The following OR2T10 variants were observed in gnomAD, a reference collection of about 807,000 sequenced individuals.
OR2T10 encodes olfactory receptor family 2 subfamily T member 10, also known as olfactory receptor 2T10.
For missense variants in OR2T10, 335 were observed against 382.5 expected (o/e 0.88, Z 1.04); for synonymous variants, 125 against 141.8 (o/e 0.88, Z 0.84).
At position 248,593,164 on chromosome 1, in the gene OR2T10, C is replaced by A. The variant is rs1454233338; in HGVS notation, c.605G>T (p.Cys202Phe). ...AGGTATCAGGAGCATGATGACACAGCACAAGTACATGAAAATCTTGTAAAG... is the reference window on the plus strand; with the variant it reads ...AGGTATCAGGAGCATGATGACACAGAACAAGTACATGAAAATCTTGTAAAG... ...TSLYKIFMYL[C>F]CVIMLLIPVT... The change falls in exon 2 of 2, where the codon TGC becomes TTC. Residue 202 changes from cysteine to phenylalanine, a missense_variant. Physicochemically the swap from Cys to Phe is radical, Grantham distance 205. Coordinates refer to ENST00000642090, the MANE Select transcript of OR2T10 (RefSeq NM_001004693.2). 1 of 1,572,272 alleles carries A rather than the reference C, an allele frequency of 6.4e-7. No homozygotes were observed. Among genetic ancestry groups the A allele is most frequent in the South Asian group, 1.1e-5 (1 of 88,850 alleles).
intron 1 of OR2T10, among the ~76,000 whole-genome samples, chr1:248,594,087 T>C (rs1660056927): frequency 7.1e-6 from 1 of 140,418 alleles, no homozygotes; most frequent in Admixed American, 6.8e-5. Context: ...ATGTTCACAT[T>C]TTGTGTGTGT....
In OR2T10 at chr1:248,592,783, G is replaced by T; in HGVS notation, c.*47C>A. On this transcript the variant is annotated 3_prime_UTR_variant, in exon 2 of 2. Transcript: ENST00000642090. ...TGTTTGGTGGAAGGACACCTAAAGT[G>T]AAGAGAGACTCTAAGAAGAGAGGAC... The T allele has an allele frequency of 8.8e-7, 1 of 1,140,866 alleles. No individual in the cohort carries two copies. Among genetic ancestry groups the T allele is most frequent in the South Asian group, 1.5e-5 (1 of 67,770 alleles). 70.7% of individuals were successfully genotyped at this position (1,140,866 alleles called of 1,614,324 possible).
At chr1:248,595,922 C>A (rs1660083184) in intron 1 of OR2T10, among the ~76,000 whole-genome samples, 1 of 143,072 alleles carries the variant, frequency 7.0e-6, no homozygotes, top group African/African-American at 2.8e-5. Context: ...ACTCAGAAAG[C>A]AGAGAATCAG....
rs1660037193 is a variant in OR2T10, at chr1:248,593,090, T to C, written c.679A>G (p.Lys227Glu). 3 of 1,572,438 alleles carry C rather than the reference T, an allele frequency of 1.9e-6. No individual in the cohort carries two copies. The highest frequency in any genetic ancestry group is 2.6e-6 in the Non-Finnish European group (3 of 1,156,510). ...SYYYIILTIH[K>E]MNSVEGRKKA... ...TTCCGACCCTCAACTGAGTTCATCT[T>C]ATGGATGGTGAGGATGATATAGTAG... Residue 227 changes from lysine (K) to glutamate (E), a missense_variant, in exon 2 of 2, where the codon AAG becomes GAG. By Grantham distance (56) the Lys-to-Glu change is moderately conservative. Coordinates refer to ENST00000642090, the MANE Select transcript of OR2T10 (RefSeq NM_001004693.2).
chr1:248,593,891 C>T, intron 1 of OR2T10, 95 bp from the exon 2 acceptor site: 1 of 586,380 alleles, frequency 1.7e-6, no homozygotes. Context: ...ATGTGAAAAT[C>T]AGAGTGTATT....
intron 1 of OR2T10, among the ~76,000 whole-genome samples, chr1:248,597,142 G>A (rs1364252564): frequency 7.0e-6 from 1 of 143,044 alleles, no homozygotes; most frequent in Non-Finnish European, 1.5e-5. Context: ...CTTCTTTTCC[G>A]AGGTACGTTG....
chr1:248,592,846 T>C lies in OR2T10; in HGVS notation c.923A>G (p.Gln308Arg). Residue 308 changes from glutamine to arginine, a missense_variant, in exon 2 of 2, where the codon CAG becomes CGG. Gln to Arg is a conservative substitution (Grantham distance 43, BLOSUM62 1). Transcript: ENST00000642090. ...TRALKKMLSV[Q>R]KPPY ...TTTCACACTTTAATATGGAGGTTTC[T>C]GCACGCTCAGCATTTTTTTCAAAGC... The C allele has an allele frequency of 6.5e-7, 1 of 1,542,418 alleles. No individual in the cohort carries two copies. Among genetic ancestry groups the C allele is most frequent in the Non-Finnish European group, 8.8e-7 (1 of 1,135,380 alleles).
intron 1 of OR2T10, among the ~76,000 whole-genome samples, chr1:248,594,138 C>T (rs926462974): frequency 7.0e-6 from 1 of 142,892 alleles, no homozygotes; most frequent in Non-Finnish European, 1.5e-5. Context: ...GCCCAAATCC[C>T]ATTCCCATGG....
intron 1 of OR2T10, among the ~76,000 whole-genome samples, chr1:248,596,791 T>C (rs1273506510): frequency 2.1e-5 from 3 of 142,890 alleles, no homozygotes; most frequent in African/African-American, 8.3e-5. Flanking sequence ...CACCCCTCCT[T>C]CTTGAGTGGG....
intron 1 of OR2T10, chr1:248,595,061 A>T (rs1171179095): frequency 1.4e-5 from 2 of 143,424 alleles, no homozygotes; most frequent in Admixed American, 1.4e-4. Flanking sequence ...CAGAGCATCT[A>T]GTCAATTAAT....
At position 248,591,665 on chromosome 1, in the gene OR2T10, C is replaced by G. The variant is rs1660001620; in HGVS notation, c.*1165G>C. Reference sequence around the variant, plus strand: ...AGTATGGCCCTCCCAGAGGGAGAGGCAATGCAGTGTGGAAAAGGCCACAGA... The same window carrying G: ...AGTATGGCCCTCCCAGAGGGAGAGGGAATGCAGTGTGGAAAAGGCCACAGA... On this transcript the variant is annotated 3_prime_UTR_variant, in exon 2 of 2. Transcript: ENST00000642090. 6.9e-6 allele frequency: 1 copy of G among 144,082 alleles called. No individual in the cohort carries two copies. The highest frequency in any genetic ancestry group is 2.7e-5 in the African/African-American group (1 of 36,754). 8.9% of individuals were successfully genotyped at this position (144,082 alleles called of 1,614,324 possible). A position where few individuals can be genotyped will look rare whatever the true frequency, so the allele number is the denominator to read the frequency against.
In OR2T10 at chr1:248,591,544, T is replaced by C. The variant is rs138986089; in HGVS notation, c.*1286A>G. The C allele has an allele frequency of 7.0e-6, 1 of 143,726 alleles. No homozygotes were observed. Among genetic ancestry groups the C allele is most frequent in the Admixed American group, 6.8e-5 (1 of 14,784 alleles). 8.9% of individuals were successfully genotyped at this position (143,726 alleles called of 1,614,324 possible). A position where few individuals can be genotyped will look rare whatever the true frequency, so the allele number is the denominator to read the frequency against. ...ATGTAGTCATGGAAAGTTATCTTCGTATCCTTGTACTTACAGATAAAAAAA... is the reference window on the plus strand; with the variant it reads ...ATGTAGTCATGGAAAGTTATCTTCGCATCCTTGTACTTACAGATAAAAAAA... On this transcript the variant is annotated 3_prime_UTR_variant, in exon 2 of 2. Coordinates refer to ENST00000642090, the MANE Select transcript of OR2T10 (RefSeq NM_001004693.2).
chr1:248,595,783 TTAG>T (rs76102987), intron 1 of OR2T10, among the ~76,000 whole-genome samples: 33,930 of 140,836 alleles, frequency 0.24, 7,939 homozygotes, highest in East Asian at 0.58. Flanking sequence ...GTGGAATTAT[TTAG>T]TAGATTCCAA....
Position 248,590,911 on chromosome 1 carries a change from A to G in OR2T10, c.*1919T>C, listed in dbSNP as rs1572087609. ...TATTGCTAAGTCAATATTGATTATG[A>G]CTCATTTACATATTACTCTTTGGGG... On this transcript the variant is annotated 3_prime_UTR_variant, in exon 2 of 2. Transcript: ENST00000642090. The G allele has an allele frequency of 7.0e-6, 1 of 143,068 alleles. No individual in the cohort carries two copies. Among genetic ancestry groups the G allele is most frequent in the East Asian group, 2.0e-4 (1 of 4,952 alleles). The allele number at this position is 143,068 out of a possible 1,614,324, so 8.9% of individuals were successfully genotyped here. A position where few individuals can be genotyped will look rare whatever the true frequency, so the allele number is the denominator to read the frequency against.
In OR2T10 at chr1:248,593,632, A is replaced by T. The variant is rs1363340752; in HGVS notation, c.137T>A (p.Ile46Lys). The change falls in exon 2 of 2, where the codon ATA (isoleucine) becomes AAA (lysine). Residue 46 changes from isoleucine (I) to lysine (K), a missense_variant. Transcript: ENST00000642090. ...LMAVSWNITL[I>K]LLIHIDSSLH... is the part of the protein sequence containing the mutation. ...AGAGGAGTCAATGTGGATCAGAAGT[A>T]TCAATGTAATATTCCAAGACACAGC... The T allele has an allele frequency of 1.3e-5, 21 of 1,561,956 alleles. 1 individual carries two copies. Among genetic ancestry groups the T allele is most frequent in the African/African-American group, 6.2e-5 (4 of 64,850 alleles).
Position 248,592,928 on chromosome 1 carries a change from G to A in OR2T10, c.841C>T (p.Leu281Phe). ...DMMSSFFYTI[L>F]TPVLNPIIYS... ...ATGATAGGATTCAAGACAGGTGTAAGGATAGTGTAGAAAAAGGATGACATC... is the reference window on the plus strand; with the variant it reads ...ATGATAGGATTCAAGACAGGTGTAAAGATAGTGTAGAAAAAGGATGACATC... The change falls in exon 2 of 2, where the codon CTT becomes TTT. Residue 281 changes from leucine to phenylalanine, a missense_variant. Leu to Phe is a conservative substitution (Grantham distance 22). Transcript: ENST00000642090. 1 of 1,566,160 alleles carries A rather than the reference G, an allele frequency of 6.4e-7. No homozygotes were observed. The highest frequency in any genetic ancestry group is 1.1e-5 in the South Asian group (1 of 88,764).
chr1:248,595,264 A>G (rs1173557948), intron 1 of OR2T10, among the ~76,000 whole-genome samples: 1 of 143,758 alleles, frequency 7.0e-6, no homozygotes, highest in South Asian at 2.2e-4. Flanking sequence ...ATAGTTTTAG[A>G]TATCATTAAT....
rs781583804 is a variant in OR2T10, at chr1:248,593,699, G to A, written c.70C>T (p.Pro24Ser). Residue 24 changes from proline (P) to serine (S), a missense_variant, in exon 2 of 2, where the codon CCT (proline) becomes TCT (serine). Pro to Ser is a moderately conservative substitution (Grantham distance 74, BLOSUM62 -1). Transcript: ENST00000642090. ...AAGATAAGCAAGCAGAGGCGGCCAG[G>A]GTGTGAGATCTGGCTGAAGATTCCC... ...LLGIFSQISHPGRLCLLIFSI... is the reference protein window; with the variant it reads ...LLGIFSQISHSGRLCLLIFSI... The A allele has an allele frequency of 1.1e-5, 17 of 1,564,172 alleles. 2 individuals carry two copies. In the East Asian group the frequency reaches 3.9e-4, roughly 36 times the overall value.
Position 248,591,608 on chromosome 1 carries a change from T to C in OR2T10, c.*1222A>G. ...GGGAAAGCCACGTGAAAACATTGGG[T>C]ATGGAAAGAACTATAGTGTTTCCAA... On this transcript the variant is annotated 3_prime_UTR_variant, in exon 2 of 2. Coordinates refer to ENST00000642090, the MANE Select transcript of OR2T10 (RefSeq NM_001004693.2). The C allele has an allele frequency of 7.0e-6, 1 of 143,700 alleles. No individual in the cohort carries two copies. Among genetic ancestry groups the C allele is most frequent in the East Asian group, 2.0e-4 (1 of 4,952 alleles). 8.9% of individuals were successfully genotyped at this position (143,700 alleles called of 1,614,324 possible).
Sources: allele counts gnomAD v4.1 joint callset (sites outside exome capture counted in the v4.1 genomes callset), GRCh38; gene constraint gnomAD v4.1.1; transcripts MANE v1.5; gene names NCBI Gene and HGNC (gene_info 2026-07-23, HGNC 2026-07-21).